SLC51B: variants seen among roughly 807,000 people sequenced by gnomAD.
SLC51B encodes the protein organic solute transporter subunit beta.
A neutral mutation model predicts 8.0 loss-of-function variants in SLC51B; 6 were observed. That is an observed-to-expected ratio of 0.75 (90% CI 0.41 to 1.48). The LOEUF is 1.48. Among genes scored for constraint, SLC51B ranks in the 40% most tolerant of loss-of-function variants. SLC51B has a pLI of 0.01. For missense variants in SLC51B, 150 were observed against 149.7 expected, an observed-to-expected ratio of 1.00 and a Z score of -0.01; for synonymous variants, 61 against 54.8, an observed-to-expected ratio of 1.11 and a Z score of -0.50.
At chr15:65,050,818 TTC>T (rs1253146562) in intron 2 of SLC51B, among the ~76,000 whole-genome samples, 60 of 142,430 alleles carry the variant, frequency 4.2e-4, no homozygotes, top group African/African-American at 1.4e-3. Context: ...TCCTTTTTTT[TTC>T]TTTCTTCTTC....
intron 2 of SLC51B, 90 bp downstream of exon 2, chr15:65,050,191 T>C: frequency 1.0e-6 from 1 of 1,001,382 alleles, no homozygotes; most frequent in Non-Finnish European, 1.5e-6. Flanking sequence ...TGTCGTCCCC[T>C]CCAGGTCAGG....
intron 1 of SLC51B, among the ~76,000 whole-genome samples, chr15:65,047,546 T>C (rs2919347): frequency 0.02 from 3,104 of 152,242 alleles, 134 homozygotes; most frequent in African/African-American, 0.071. Context: ...TCAACTTCAA[T>C]ACTTTTCTTT....
chr15:65,053,018 G>T lies in SLC51B; in HGVS notation c.241G>T (p.Asp81Tyr), dbSNP rs763251825. Residue 81 changes from aspartate to tyrosine, a missense_variant, in exon 4 of 4, where the codon GAT becomes TAT. Coordinates refer to ENST00000334287, the MANE Select transcript of SLC51B (RefSeq NM_178859.4). ...EKETPEVLHL[D>Y]EAKDHNSLNN... ...AGAAACTCCAGAAGTCCTGCATTTGGATGAGGCCAAGGATCACAACAGCCT... is the reference window on the plus strand; with the variant it reads ...AGAAACTCCAGAAGTCCTGCATTTGTATGAGGCCAAGGATCACAACAGCCT... 5.6e-6 allele frequency: 9 copies of T among 1,613,712 alleles called. No individual in the cohort carries two copies. The highest frequency in any genetic ancestry group is 7.6e-6 in the Non-Finnish European group (9 of 1,180,010).
At chr15:65,049,613 G>A (rs937611635) in intron 1 of SLC51B, 2 of 147,940 alleles carry the variant, frequency 1.4e-5, no homozygotes, top group Non-Finnish European at 2.9e-5. Context: ...ACGCTGAACA[G>A]GCAGGCGAAG....
chr15:65,045,530 G>A lies in SLC51B; in HGVS notation c.-161G>A, dbSNP rs2086566225. 1 of 152,228 alleles carries A rather than the reference G, an allele frequency of 6.6e-6. No individual in the cohort carries two copies. The highest frequency in any genetic ancestry group is 1.5e-5 in the Non-Finnish European group (1 of 68,060). 9.4% of individuals were successfully genotyped at this position (152,228 alleles called of 1,614,324 possible). On this transcript the variant is annotated 5_prime_UTR_variant, in exon 1 of 4. Transcript: ENST00000334287. ...GGAGGAAAAGGAAGATACAGAAATC[G>A]GTGCTGCTCCCAACAGCAGATCAAG... is the stretch of plus-strand genomic sequence containing the variant.
In SLC51B at chr15:65,049,899, G is replaced by A. The variant is rs566751822; in HGVS notation, c.-106G>A. 4 of 720,702 alleles carry A rather than the reference G, an allele frequency of 5.6e-6. No homozygotes were observed. The African/African-American group carries it at 7.2e-5, about 13-fold the overall frequency. 44.6% of individuals were successfully genotyped at this position (720,702 alleles called of 1,614,324 possible). A position where few individuals can be genotyped will look rare whatever the true frequency, so the allele number is the denominator to read the frequency against. On this transcript the variant is annotated splice_region_variant and 5_prime_UTR_variant, in exon 2 of 4. Transcript: ENST00000334287. ...CATGCTGTCTGCTTTGTTTCCAGGG[G>A]TCTTCACGGCTTCTCTGCCCAGGGG... is the stretch of plus-strand genomic sequence containing the variant.
chr15:65,051,679 G>A (rs1306914537), intron 3 of SLC51B, 74 bp downstream of exon 3: 2 of 1,437,310 alleles, frequency 1.4e-6, no homozygotes, highest in Admixed American at 1.7e-5. Flanking sequence ...GGGAAATCTA[G>A]AGAGGGGTCA....
intron 2 of SLC51B, 106 bp from the exon 3 acceptor site, chr15:65,051,409 G>C: frequency 9.6e-7 from 1 of 1,044,572 alleles, no homozygotes; most frequent in Non-Finnish European, 1.5e-6. Flanking sequence ...CCACGCAAAG[G>C]ACAGTTGATG....
At chr15:65,050,836 C>CCTTTTTTTTTTTTTTTTTTTTCTTTT (rs2086642864) in intron 2 of SLC51B, among the ~76,000 whole-genome samples, 1 of 95,650 alleles carries the variant, frequency 1.0e-5, no homozygotes, top group Non-Finnish European at 1.9e-5. Flanking sequence ...TCTTCTTCTT[C>CCTTTTTTTTTTTTTTTTTTTTCTTTT]TTTTTTTTTT....
Position 65,047,680 on chromosome 15 carries a change from T to A in SLC51B, c.-109+2098T>A, listed in dbSNP as rs572500213. ...CCTTCTTGGACAGTGCTCTGGACAG[T>A]CAGTTGGAGCTAGAACACAAGATCA... is the stretch of plus-strand genomic sequence containing the variant. On this transcript the variant is annotated intron_variant, in intron 1 of 3. Transcript: ENST00000334287. 2.6e-5 allele frequency among the ~76,000 whole-genome samples: 4 copies of A among 152,320 alleles called. No homozygotes were observed. The South Asian group carries it at 8.3e-4, about 32-fold the overall frequency.
intron 1 of SLC51B, among the ~76,000 whole-genome samples, chr15:65,046,015 A>G (rs2086572880): frequency 6.7e-6 from 1 of 149,590 alleles, no homozygotes; most frequent in South Asian, 2.1e-4. Context: ...AAAATACAAA[A>G]TTGGCCGGGT....
chr15:65,052,825 T>A, intron 3 of SLC51B, 141 bp from the exon 4 acceptor site: 1 of 688,828 alleles, frequency 1.5e-6, no homozygotes, highest in South Asian at 1.9e-5. Context: ...TGAAGGAATA[T>A]CCAACCATTG....
At chr15:65,051,110 C>G (rs999067887) in intron 2 of SLC51B, among the ~76,000 whole-genome samples, 11 of 152,134 alleles carry the variant, frequency 7.2e-5, no homozygotes, top group Non-Finnish European at 1.0e-4. Context: ...TCCCAAAGTG[C>G]TGGGATTATA....
At chr15:65,048,408 T>C (rs188984424) in intron 1 of SLC51B, among the ~76,000 whole-genome samples, 4 of 152,336 alleles carry the variant, frequency 2.6e-5, no homozygotes, top group Middle Eastern at 3.4e-3. Context: ...CTTTTGTTGA[T>C]ACTCCAATTT....
chr15:65,049,093 A>C (rs2086613484), intron 1 of SLC51B: 1 of 151,340 alleles, frequency 6.6e-6, no homozygotes. Flanking sequence ...AATTTTACCT[A>C]TTTCTTTTTG....
At position 65,051,231 on chromosome 15, in the gene SLC51B, C is replaced by G. The variant is rs191567524; in HGVS notation, c.98-284C>G. Among the ~76,000 whole-genome samples, 895 of 152,312 alleles carry G rather than the reference C, an allele frequency of 5.9e-3. 3 individuals carry two copies. Among genetic ancestry groups the G allele is most frequent in the Non-Finnish European group, 8.9e-3 (603 of 68,010 alleles). On this transcript the variant is annotated intron_variant, in intron 2 of 3. Transcript: ENST00000334287. ...TTTATCTTGGCCCACCTGTCTCCTG[C>G]CCTCCGTAGGCCTCTGCCCTTCACC...
intron 1 of SLC51B, 110 bp from the exon 2 acceptor site, chr15:65,049,787 T>C (rs1005325506): frequency 3.3e-5 from 14 of 421,544 alleles, no homozygotes; most frequent in African/African-American, 2.7e-4. Context: ...CTGGGTTCGT[T>C]CGGGTCGTTT....
chr15:65,051,045 T>C (rs1448991528), intron 2 of SLC51B, among the ~76,000 whole-genome samples: 1 of 151,944 alleles, frequency 6.6e-6, no homozygotes, highest in African/African-American at 2.4e-5. Context: ...CATTTCACCA[T>C]GTTGGCCAGG....
intron 3 of SLC51B, 128 bp downstream of exon 3, chr15:65,051,733 G>T: frequency 1.3e-6 from 1 of 755,282 alleles, no homozygotes; most frequent in South Asian, 1.7e-5. Context: ...GCAAAATTCA[G>T]CCTTCAGTGT....
Sources: gnomAD v4.1 joint callset for allele counts (sites outside exome capture counted in the v4.1 genomes callset) on GRCh38, gnomAD v4.1.1 for gene constraint, MANE v1.5 for transcripts, NCBI Gene and HGNC (gene_info 2026-07-23, HGNC 2026-07-21) for gene names.